The following ARHGAP24 variants were observed in gnomAD, a reference collection of about 807,000 sequenced individuals.
The protein encoded by ARHGAP24 is Rho GTPase activating protein 24.
A neutral mutation model predicts 76.4 loss-of-function variants in ARHGAP24; 50 were observed. The ratio of observed to expected loss-of-function variants is 0.65; its 90% CI spans 0.52 to 0.83. The LOEUF is 0.83. Ranked by LOEUF, ARHGAP24 falls within the 40% of genes least tolerant of loss-of-function variation. The pLI is 0.00. For missense variants in ARHGAP24, 930 were observed against 914.2 expected (o/e 1.02, Z -0.22); for synonymous variants, 345 against 323.3 (o/e 1.07, Z -0.72).
At chr4:85,487,726 A>C (rs1578180885) in intron 1 of ARHGAP24, among the ~76,000 whole-genome samples, 1 of 102,754 alleles carries the variant, frequency 9.7e-6, no homozygotes, top group East Asian at 2.5e-4. Context: ...ATATATATTT[A>C]TATTATATAT....
intron 7 of ARHGAP24, chr4:85,975,833 A>G (rs1324796600): frequency 2.0e-5 from 3 of 152,228 alleles, no homozygotes. Context: ...ACTAGGAACT[A>G]TGAAGTCTAA....
intron 5 of ARHGAP24, among the ~76,000 whole-genome samples, chr4:85,962,932 A>AT (rs891484429): frequency 8.0e-4 from 120 of 149,980 alleles, no homozygotes; most frequent in Middle Eastern, 3.4e-3. Context: ...AGGAGCTTTG[A>AT]TTTTTTTTTT....
At chr4:85,486,480 T>C (rs1723054696) in intron 1 of ARHGAP24, among the ~76,000 whole-genome samples, 1 of 152,164 alleles carries the variant, frequency 6.6e-6, no homozygotes, top group Non-Finnish European at 1.5e-5. Context: ...TGTGAAATCA[T>C]CTGGGAAATT....
chr4:85,798,669 C>T (rs549629052), intron 3 of ARHGAP24, among the ~76,000 whole-genome samples: 3 of 152,088 alleles, frequency 2.0e-5, no homozygotes, highest in South Asian at 4.2e-4. Flanking sequence ...GGGAAGCTAC[C>T]GAAGTTACAG....
intron 1 of ARHGAP24, among the ~76,000 whole-genome samples, chr4:85,519,233 C>T (rs538982559): frequency 6.6e-6 from 1 of 152,050 alleles, no homozygotes; most frequent in Non-Finnish European, 1.5e-5. Flanking sequence ...CCTCAATTCC[C>T]CTTTGGTGCC....
At chr4:85,795,443 A>C (rs891882073) in intron 3 of ARHGAP24, among the ~76,000 whole-genome samples, 5 of 152,130 alleles carry the variant, frequency 3.3e-5, no homozygotes, top group African/African-American at 1.2e-4. Context: ...AATATTATTG[A>C]TCTGACTTTA....
chr4:85,901,035 G>A (rs1047591797), intron 3 of ARHGAP24, among the ~76,000 whole-genome samples: 1 of 152,120 alleles, frequency 6.6e-6, no homozygotes, highest in African/African-American at 2.4e-5. Context: ...ACTGTGAAGT[G>A]ATACATACAT....
intron 3 of ARHGAP24, among the ~76,000 whole-genome samples, chr4:85,884,805 G>T (rs1011487427): frequency 6.6e-6 from 1 of 152,134 alleles, no homozygotes; most frequent in African/African-American, 2.4e-5. Context: ...TGAGAGTGTT[G>T]AGTACAGAAA....
rs572489920 is a variant in ARHGAP24 at position 85,718,558 on chromosome 4, G to A, written c.181-3327G>A. On this transcript the variant is annotated intron_variant, in intron 2 of 9. Transcript: ENST00000395184. ...AATTAAGACATTTCCCTTAGTTATG[G>A]ACTTTACAGAATTTCCATACAATGT... is the stretch of plus-strand genomic sequence containing the variant. 2.2e-4 allele frequency among the ~76,000 whole-genome samples: 33 copies of A among 152,058 alleles called. No homozygotes were observed. In the South Asian group the frequency reaches 4.6e-3, roughly 21 times the overall value.
chr4:85,861,187 C>T (rs555604845), intron 3 of ARHGAP24, among the ~76,000 whole-genome samples: 2 of 152,024 alleles, frequency 1.3e-5, no homozygotes, highest in Non-Finnish European at 2.9e-5. Flanking sequence ...CGACTACTAA[C>T]CTGCCTTGTC....
intron 2 of ARHGAP24, among the ~76,000 whole-genome samples, chr4:85,614,044 T>C (rs1472906292): frequency 6.6e-6 from 1 of 152,196 alleles, no homozygotes; most frequent in Non-Finnish European, 1.5e-5. Context: ...TTCATTTTCT[T>C]TTTATTATGT....
chr4:85,701,244 T>C (rs1312708361), intron 2 of ARHGAP24, among the ~76,000 whole-genome samples: 1 of 152,172 alleles, frequency 6.6e-6, no homozygotes, highest in Admixed American at 6.5e-5. Flanking sequence ...ACATTATCGA[T>C]TTATTATATT....
At chr4:85,733,921 C>A (rs551886867) in intron 3 of ARHGAP24, among the ~76,000 whole-genome samples, 1 of 152,222 alleles carries the variant, frequency 6.6e-6, no homozygotes, top group African/African-American at 2.4e-5. Context: ...CACAAGTAAG[C>A]CCATATCAGA....
At chr4:85,600,437 G>T (rs1339235502) in intron 2 of ARHGAP24, among the ~76,000 whole-genome samples, 1 of 152,216 alleles carries the variant, frequency 6.6e-6, no homozygotes, top group Non-Finnish European at 1.5e-5. Flanking sequence ...CATGAAAGGA[G>T]CAGGAATACT....
intron 2 of ARHGAP24, among the ~76,000 whole-genome samples, chr4:85,594,673 G>A (rs972521734): frequency 6.6e-6 from 1 of 152,010 alleles, no homozygotes; most frequent in African/African-American, 2.4e-5. Context: ...AACACTAAGA[G>A]TGCCTCAGAA....
chr4:85,479,564 A>G (rs891536494), intron 1 of ARHGAP24, among the ~76,000 whole-genome samples: 8 of 152,170 alleles, frequency 5.3e-5, no homozygotes, highest in African/African-American at 1.9e-4. Flanking sequence ...AATTATCTGG[A>G]GTGCTGGTGC....
intron 3 of ARHGAP24, among the ~76,000 whole-genome samples, chr4:85,899,683 T>C (rs2148789412): frequency 6.6e-6 from 1 of 152,322 alleles, no homozygotes; most frequent in East Asian, 1.9e-4. Flanking sequence ...TGTAGCTTCT[T>C]TCCAGTGCTG....
intron 1 of ARHGAP24, among the ~76,000 whole-genome samples, chr4:85,529,390 G>A (rs1725159474): frequency 6.6e-6 from 1 of 152,032 alleles, no homozygotes; most frequent in Admixed American, 6.6e-5. Flanking sequence ...CTGATTTTCA[G>A]TGTAAGATTA....
intron 3 of ARHGAP24, among the ~76,000 whole-genome samples, chr4:85,897,604 C>T (rs1734253718): frequency 6.6e-6 from 1 of 152,096 alleles, no homozygotes; most frequent in African/African-American, 2.4e-5. Context: ...GCTATGAAGC[C>T]AGCTGAACGC....
Sources: gnomAD v4.1 joint callset for allele counts (sites outside exome capture counted in the v4.1 genomes callset) on GRCh38, gnomAD v4.1.1 for gene constraint, MANE v1.5 for transcripts, NCBI Gene and HGNC (gene_info 2026-07-23, HGNC 2026-07-21) for gene names.